The following CCDC149 variants were observed in gnomAD, a reference collection of about 807,000 sequenced individuals.
CCDC149 encodes coiled-coil domain-containing protein 149.
CCDC149 carries 45 observed loss-of-function variants against 59.9 expected under a neutral mutation model. That is an observed-to-expected ratio of 0.75 (90% confidence interval 0.59 to 0.96). The LOEUF (loss-of-function observed/expected upper bound fraction) is 0.96, where lower values mean the gene tolerates loss of function less well. Among genes scored for constraint, CCDC149 ranks in the 40% least tolerant of loss-of-function variants. CCDC149 has a pLI of 0.00. For missense variants in CCDC149, 584 were observed against 664.7 expected, an observed-to-expected ratio of 0.88 and a Z score of 1.33; for synonymous variants, 245 against 260.6, an observed-to-expected ratio of 0.94 and a Z score of 0.58.
At chr4:24,878,216 TAAAAAAAAAA>T (rs66494953) in intron 1 of CCDC149, among the ~76,000 whole-genome samples, 1 of 125,148 alleles carries the variant, frequency 8.0e-6, no homozygotes, top group African/African-American at 3.1e-5. Flanking sequence ...TTTTTTTTCC[TAAAAAAAAAA>T]AAAAAAAAAA....
intron 1 of CCDC149, among the ~76,000 whole-genome samples, chr4:24,940,822 G>A (rs1722931804): frequency 6.6e-6 from 1 of 152,168 alleles, no homozygotes; most frequent in Non-Finnish European, 1.5e-5. Flanking sequence ...ATGGTAAAGG[G>A]ATCAATTCAA....
intron 1 of CCDC149, among the ~76,000 whole-genome samples, chr4:24,925,414 A>G (rs1301791553): frequency 6.6e-6 from 1 of 152,156 alleles, no homozygotes; most frequent in Non-Finnish European, 1.5e-5. Context: ...GGGGTGGGGT[A>G]GGGTCAAAAG....
chr4:24,914,664 C>T (rs1351912442), upstream of CCDC149, among the ~76,000 whole-genome samples: 3 of 146,808 alleles, frequency 2.0e-5, no homozygotes, highest in African/African-American at 7.5e-5. Context: ...CTGAGCCTTG[C>T]TCAACTAGCT....
In CCDC149 at chr4:24,912,974, C is replaced by G. The variant is rs1179449537; in HGVS notation, c.-95G>C. ...GGCCCCGCGCGGCCCCGAGAGGGCC[C>G]GGCGCCTCCGAGCCGCTGCGCCGCC... On this transcript the variant is annotated 5_prime_UTR_variant, in exon 1 of 13. Coordinates refer to ENST00000635206, the MANE Select transcript of CCDC149 (RefSeq NM_001330643.2). The G allele has an allele frequency of 2.4e-5, 12 of 508,580 alleles. No homozygotes were observed. The highest frequency in any genetic ancestry group is 3.2e-5 in the Non-Finnish European group (12 of 379,608). The allele number at this position is 508,580 out of a possible 1,614,324, so 31.5% of individuals were successfully genotyped here. A position where few individuals can be genotyped will look rare whatever the true frequency, so the allele number is the denominator to read the frequency against.
At position 24,874,244 on chromosome 4, in the gene CCDC149, G is replaced by GTTTTTTTTTTTTTT. The variant is rs5856868; in HGVS notation, c.226-539_226-526dup. Among the ~76,000 whole-genome samples the GTTTTTTTTTTTTTT allele has an allele frequency of 7.7e-4, 67 of 87,484 alleles. 10 individuals carry two copies. Among genetic ancestry groups the GTTTTTTTTTTTTTT allele is most frequent in the African/African-American group, 3.7e-3 (63 of 17,170 alleles). The allele number at this position is 87,484 out of a possible 152,430, so 57.4% of individuals were successfully genotyped here. On this transcript the variant is annotated intron_variant, in intron 2 of 12. Transcript: ENST00000635206. ...GAGAACTTCTAGTCCTATTAGATTTGTTTTTTTTTTTTTTTGTTTTGTTTT... is the reference window on the plus strand; with the variant it reads ...GAGAACTTCTAGTCCTATTAGATTTGTTTTTTTTTTTTTTTTTTTTTTTTTTTTTGTTTTGTTTT...
intron 1 of CCDC149, among the ~76,000 whole-genome samples, chr4:24,936,997 C>A (rs1323128972): frequency 1.3e-5 from 2 of 152,148 alleles, no homozygotes; most frequent in African/African-American, 4.8e-5. Flanking sequence ...GTGGGCCGTG[C>A]CCATGGCTGA....
At chr4:24,947,355 C>T (rs1038997488) in intron 1 of CCDC149, among the ~76,000 whole-genome samples, 23 of 152,232 alleles carry the variant, frequency 1.5e-4, no homozygotes, top group Admixed American at 3.9e-4. Context: ...TGCTTGCTGC[C>T]GCCATGTGAG....
intron 1 of CCDC149, among the ~76,000 whole-genome samples, chr4:24,905,392 CTTCT>C (rs1390411320): frequency 2.7e-5 from 4 of 148,112 alleles, no homozygotes; most frequent in Non-Finnish European, 6.0e-5. Context: ...CCTATATAGT[CTTCT>C]TTCTTTTTGC....
intron 1 of CCDC149, among the ~76,000 whole-genome samples, chr4:24,899,664 C>A (rs55971085): frequency 0.071 from 10,802 of 152,184 alleles, 398 homozygotes; most frequent in East Asian, 0.095. Context: ...CCTGTGCTCT[C>A]CCCAAGCCCC....
intron 1 of CCDC149, among the ~76,000 whole-genome samples, chr4:24,931,829 G>GTATATATATATATATATATATA (rs57205804): frequency 0.035 from 2,649 of 76,392 alleles, 245 homozygotes; most frequent in African/African-American, 0.047. Context: ...TGGAGAGTAT[G>GTATATATATATATATATATATA]TATATATATA....
At chr4:24,934,028 A>G (rs1722666711) in intron 1 of CCDC149, among the ~76,000 whole-genome samples, 1 of 152,164 alleles carries the variant, frequency 6.6e-6, no homozygotes, top group Non-Finnish European at 1.5e-5. Flanking sequence ...CATTCTCACC[A>G]TTCAGTAGTC....
rs943150967 is a variant in CCDC149 at position 24,808,918 on chromosome 4, C to G, written c.1193-99G>C. The G allele has an allele frequency of 3.4e-6, 4 of 1,183,094 alleles. No homozygotes were observed. The Admixed American group carries it at 1.1e-4, about 33-fold the overall frequency. The allele number at this position is 1,183,094 out of a possible 1,614,324, so 73.3% of individuals were successfully genotyped here. On this transcript the variant is annotated intron_variant, in intron 12 of 12. Transcript: ENST00000635206. ...CCTGCCCAGCCTACCAGCACAGGGC[C>G]TCTGAAAAAGGAGCAAGACTTTTTT... is the stretch of plus-strand genomic sequence containing the variant.
rs1360046557 is a variant in CCDC149 at position 24,951,168 on chromosome 4, A to G, written c.-65+28901T>C. 3.3e-5 allele frequency among the ~76,000 whole-genome samples: 5 copies of G among 152,250 alleles called. No individual in the cohort carries two copies. The East Asian group carries it at 9.6e-4, about 29-fold the overall frequency. On this transcript the variant is annotated intron_variant, in intron 1 of 12. Coordinates refer to the CCDC149 transcript ENST00000389609. ...TCACCCGGGCTGCAGGCAGCAAGTG[A>G]CAGATCCCATGCATGCCTCCTCATT...
upstream of CCDC149, among the ~76,000 whole-genome samples, chr4:24,914,156 G>T (rs549749377): frequency 5.3e-4 from 80 of 152,264 alleles, no homozygotes; most frequent in African/African-American, 1.8e-3. Context: ...CTGAAACGTG[G>T]AGAAACAGGG....
At chr4:24,854,587 A>G (rs1717885395) in intron 3 of CCDC149, among the ~76,000 whole-genome samples, 1 of 152,234 alleles carries the variant, frequency 6.6e-6, no homozygotes, top group South Asian at 2.1e-4. Context: ...TTAGGGAACT[A>G]ACCCGACTGG....
chr4:24,912,363 A>G (rs1577480591), intron 1 of CCDC149, among the ~76,000 whole-genome samples: 1 of 151,764 alleles, frequency 6.6e-6, no homozygotes, highest in Non-Finnish European at 1.5e-5. Context: ...AACTCCCCCA[A>G]CTCGAACCAC....
intron 3 of CCDC149, among the ~76,000 whole-genome samples, chr4:24,865,154 A>G (rs1053169941): frequency 6.6e-6 from 1 of 152,242 alleles, no homozygotes; most frequent in African/African-American, 2.4e-5. Flanking sequence ...ACACGCAGAC[A>G]GACATGCAAG....
upstream of CCDC149, among the ~76,000 whole-genome samples, chr4:24,914,828 A>G (rs923960911): frequency 3.9e-5 from 6 of 152,224 alleles, no homozygotes; most frequent in Admixed American, 2.0e-4. Context: ...CCCTTCAAAA[A>G]GCAATAGTCC....
chr4:24,944,389 G>C (rs1198387653), intron 1 of CCDC149, among the ~76,000 whole-genome samples: 1 of 151,786 alleles, frequency 6.6e-6, no homozygotes, highest in Non-Finnish European at 1.5e-5. Context: ...TCACACACTG[G>C]GAACTGTTGT....
Sources: allele counts gnomAD v4.1 joint callset (sites outside exome capture counted in the v4.1 genomes callset), GRCh38; gene constraint gnomAD v4.1.1; transcripts MANE v1.5; gene names NCBI Gene and HGNC (gene_info 2026-07-23, HGNC 2026-07-21).